The following RIPOR1 variants were observed in gnomAD, a reference collection of about 807,000 sequenced individuals.
RIPOR1 encodes the protein RHO family interacting cell polarization regulator 1, also known as rho family-interacting cell polarization regulator 1.
In RIPOR1, 58 loss-of-function variants were observed where a neutral mutation model predicts 116.5. The observed-to-expected ratio is 0.50, with a 90% confidence interval of 0.40 to 0.62. The LOEUF is 0.62. Ranked by LOEUF, RIPOR1 falls within the 20% of genes least tolerant of loss-of-function variation. The pLI is 0.00. For missense variants in RIPOR1, 1,372 were observed against 1,586.2 expected (o/e 0.86, Z 2.29); for synonymous variants, 605 against 650.0 (o/e 0.93, Z 1.05).
chr16:67,540,818 A>G lies in RIPOR1; in HGVS notation c.801+114A>G. On this transcript the variant is annotated intron_variant, in intron 10 of 21. Transcript: ENST00000042381. This position sits in a 1 kb window ranked among gnomAD's most constrained non-coding sequence, Gnocchi z 4.7. The stretch of plus-strand genomic sequence containing the variant: ...CCCTCATAGCTCCATAGCCCTGTGA[A>G]GATATGATTCCATGACCTTCATGAT... 1 of 1,112,598 alleles carries G rather than the reference A, an allele frequency of 9.0e-7. No homozygotes were observed. The allele number at this position is 1,112,598 out of a possible 1,614,324, so 68.9% of individuals were successfully genotyped here.
chr16:67,535,043 A>G (rs1271635331), intron 1 of RIPOR1, among the ~76,000 whole-genome samples: 2 of 151,820 alleles, frequency 1.3e-5, no homozygotes, highest in Non-Finnish European at 2.9e-5. Flanking sequence ...GGGTTTCACC[A>G]TGTTGGCCAA....
chr16:67,523,634 G>A (rs2050515373), intron 1 of RIPOR1, among the ~76,000 whole-genome samples: 1 of 151,548 alleles, frequency 6.6e-6, no homozygotes, highest in Admixed American at 6.6e-5. Flanking sequence ...TTGGTGAAAG[G>A]GAGGTTTGCA....
rs2050921872 is a variant in RIPOR1 at position 67,539,890 on chromosome 16, T to C, written c.405T>C (p.His135=). ...GCTTCCTGCGACGACTGGAGTTCCATGCCAGCAAGGTACGAGTGCAGCATG... is the reference window on the plus strand; with the variant it reads ...GCTTCCTGCGACGACTGGAGTTCCACGCCAGCAAGGTACGAGTGCAGCATG... The part of the protein sequence containing the change: ...IERFLRRLEF[H]ASKIDELYEA... Residue 135 remains histidine (H), a synonymous_variant, in exon 6 of 22, where the codon CAT becomes CAC. Coordinates refer to ENST00000042381, the MANE Select transcript of RIPOR1 (RefSeq NM_024519.4). 1.2e-6 allele frequency: 2 copies of C among 1,614,054 alleles called. No individual in the cohort carries two copies. Among genetic ancestry groups the C allele is most frequent in the Non-Finnish European group, 1.7e-6 (2 of 1,180,020 alleles).
upstream of RIPOR1, among the ~76,000 whole-genome samples, chr16:67,527,091 T>G (rs1215306490): frequency 6.6e-6 from 1 of 152,060 alleles, no homozygotes; most frequent in Non-Finnish European, 1.5e-5. Flanking sequence ...AGAGAAGAAC[T>G]CAGCCCCTGG....
chr16:67,537,600 A>G lies in RIPOR1; in HGVS notation c.-23-824A>G. ...CACCATGAACACCAAGAAGAGAGGT[A>G]GGACCCAGCTCGGGGCTGCGAAAGC... is the stretch of plus-strand genomic sequence containing the variant. On this transcript the variant is annotated intron_variant, in intron 1 of 21. Transcript: ENST00000042381. The surrounding 1 kb of genome is among the most constrained non-coding windows in gnomAD (Gnocchi z 4.6). 1 of 1,417,012 alleles carries G rather than the reference A, an allele frequency of 7.1e-7. No individual in the cohort carries two copies. Among genetic ancestry groups the G allele is most frequent in the Non-Finnish European group, 9.2e-7 (1 of 1,084,260 alleles). The allele number at this position is 1,417,012 out of a possible 1,614,324, so 87.8% of individuals were successfully genotyped here. A position where few individuals can be genotyped will look rare whatever the true frequency, so the allele number is the denominator to read the frequency against.
chr16:67,539,903 C>T lies in RIPOR1; in HGVS notation c.414+4C>T, dbSNP rs778790010. The T allele has an allele frequency of 8.1e-6, 13 of 1,614,134 alleles. No homozygotes were observed. Among genetic ancestry groups the T allele is most frequent in the Admixed American group, 1.7e-5 (1 of 60,030 alleles). On this transcript the variant is annotated splice_donor_region_variant and intron_variant, in intron 6 of 21. Transcript: ENST00000042381. Reference sequence around the variant, plus strand: ...ACTGGAGTTCCATGCCAGCAAGGTACGAGTGCAGCATGTGTGCAGAGTGGG... The same window carrying T: ...ACTGGAGTTCCATGCCAGCAAGGTATGAGTGCAGCATGTGTGCAGAGTGGG...
rs1385425495 is a variant in RIPOR1 at position 67,531,957 on chromosome 16, T to C, written c.-24+3043T>C. On this transcript the variant is annotated intron_variant, in intron 1 of 21. Coordinates refer to ENST00000042381, the MANE Select transcript of RIPOR1 (RefSeq NM_024519.4). This position sits in a 1 kb window ranked among gnomAD's most constrained non-coding sequence, Gnocchi z 4.2. ...CCCAGGCTGGAGTGTAGTGGTGAGATCTTGGCTCACTGCAAGCTCCACCTC... is the reference window on the plus strand; with the variant it reads ...CCCAGGCTGGAGTGTAGTGGTGAGACCTTGGCTCACTGCAAGCTCCACCTC... Among the ~76,000 whole-genome samples the C allele has an allele frequency of 6.6e-6, 1 of 152,126 alleles. No homozygotes were observed. The highest frequency in any genetic ancestry group is 2.1e-4 in the South Asian group (1 of 4,836).
At chr16:67,534,911 C>T (rs2050756496) in intron 1 of RIPOR1, among the ~76,000 whole-genome samples, 1 of 138,494 alleles carries the variant, frequency 7.2e-6, no homozygotes, top group African/African-American at 2.8e-5. Flanking sequence ...GGCATGATAG[C>T]AGCTCTCTGC....
intron 1 of RIPOR1, among the ~76,000 whole-genome samples, chr16:67,522,950 C>G (rs564724607): frequency 9.3e-4 from 141 of 152,262 alleles, no homozygotes; most frequent in African/African-American, 3.2e-3. Context: ...CCCCTCAGCC[C>G]CACCACTCCA....
rs1462181208 is a variant in RIPOR1, at chr16:67,546,169, AC to A, written c.3502del (p.Leu1168SerfsTer9). ...CCCGAGGGCATTGAGCCCCTGGTGTACCTCTGCCAAACTGACACAGAAGCTG... is the reference window on the plus strand; with the variant it reads ...CCCGAGGGCATTGAGCCCCTGGTGTACTCTGCCAAACTGACACAGAAGCTG... ...KAPEGIEPLV[Y>X]LCQTDTEAVR... On this transcript the variant is annotated frameshift_variant, in exon 21 of 22. Transcript: ENST00000042381. LOFTEE classifies it high-confidence loss of function. The A allele has an allele frequency of 6.2e-7, 1 of 1,613,612 alleles. No homozygotes were observed. The highest frequency in any genetic ancestry group is 8.5e-7 in the Non-Finnish European group (1 of 1,179,956).
At position 67,541,821 on chromosome 16, in the gene RIPOR1, G is replaced by T. The variant is rs1262239742; in HGVS notation, c.1080+39G>T. ...CAGGTCCAGGCCTCACCATCCCCCA[G>T]AGGCTCCCTGGGGGTGGTTCTGAAA... On this transcript the variant is annotated intron_variant, in intron 12 of 21. Transcript: ENST00000042381. This position sits in a 1 kb window ranked among gnomAD's most constrained non-coding sequence, Gnocchi z 4.6. 6.2e-7 allele frequency: 1 copy of T among 1,613,804 alleles called. No individual in the cohort carries two copies. The highest frequency in any genetic ancestry group is 8.5e-7 in the Non-Finnish European group (1 of 1,179,810).
intron 1 of RIPOR1, among the ~76,000 whole-genome samples, chr16:67,522,384 T>C (rs2050502747): frequency 6.6e-6 from 1 of 151,768 alleles, no homozygotes; most frequent in Admixed American, 6.6e-5. Flanking sequence ...GTATTTTTAG[T>C]AGAGACGGGG....
Position 67,543,150 on chromosome 16 carries a change from G to A in RIPOR1, c.2364G>A (p.Arg788=). The A allele has an allele frequency of 1.3e-6, 2 of 1,532,348 alleles. No homozygotes were observed. Among genetic ancestry groups the A allele is most frequent in the Non-Finnish European group, 1.8e-6 (2 of 1,141,232 alleles). The allele number at this position is 1,532,348 out of a possible 1,614,324, so 94.9% of individuals were successfully genotyped here. Reference sequence around the variant, plus strand: ...CGGCAGCCGGAGGGTCTGGGGACAGGAGCCTGGAGGAGGCACTGGGGGCCC... The same window carrying A: ...CGGCAGCCGGAGGGTCTGGGGACAGAAGCCTGGAGGAGGCACTGGGGGCCC... The part of the protein sequence containing the change: ...VPTAAGGSGD[R]SLEEALGALM... The change falls in exon 13 of 22, where the codon AGG becomes AGA. Residue 788 remains arginine, a synonymous_variant. Transcript: ENST00000042381. The surrounding 1 kb of genome is among the most constrained non-coding windows in gnomAD (Gnocchi z 4.7).
At position 67,545,293 on chromosome 16, in the gene RIPOR1, C is replaced by T. The variant is rs372179109; in HGVS notation, c.3032-83C>T. On this transcript the variant is annotated intron_variant, in intron 17 of 21. Coordinates refer to ENST00000042381, the MANE Select transcript of RIPOR1 (RefSeq NM_024519.4). The surrounding 1 kb of genome is among the most constrained non-coding windows in gnomAD (Gnocchi z 4.8). ...GGGGTTTGAACAGGGGGCCCCTGGA[C>T]CTGAGCCTGGGATAGGAGCATCTCT... 80 of 1,555,418 alleles carry T rather than the reference C, an allele frequency of 5.1e-5. No homozygotes were observed. In the African/African-American group the frequency reaches 6.9e-4, roughly 14 times the overall value.
At chr16:67,522,044 T>C (rs903569727) in intron 1 of RIPOR1, among the ~76,000 whole-genome samples, 1 of 150,212 alleles carries the variant, frequency 6.7e-6, no homozygotes, top group African/African-American at 2.5e-5. Context: ...GTTGTTGTTG[T>C]TTGAGACAGA....
chr16:67,538,161 C>G (rs1030343338), intron 1 of RIPOR1: 2 of 379,772 alleles, frequency 5.3e-6, no homozygotes, highest in African/African-American at 4.2e-5. Flanking sequence ...GCGCGACCCC[C>G]CTTCCTGCCC....
rs1456515703 is a variant in RIPOR1 at position 67,540,506 on chromosome 16, G to A, written c.675+5G>A. ...TGTGTAGGCGATCAGTATGAGGTAT[G>A]AGAATGTGCAGGGAAGGGCTGGGTC... On this transcript the variant is annotated splice_donor_5th_base_variant and intron_variant, in intron 9 of 21. Transcript: ENST00000042381. This position sits in a 1 kb window ranked among gnomAD's most constrained non-coding sequence, Gnocchi z 4.7. 14 of 1,614,036 alleles carry A rather than the reference G, an allele frequency of 8.7e-6. No individual in the cohort carries two copies. The highest frequency in any genetic ancestry group is 5.0e-5 in the Admixed American group (3 of 60,006).
Position 67,542,534 on chromosome 16 carries a change from C to T in RIPOR1, c.1748C>T (p.Thr583Ile). 6.2e-7 allele frequency: 1 copy of T among 1,613,958 alleles called. No homozygotes were observed. Among genetic ancestry groups the T allele is most frequent in the Non-Finnish European group, 8.5e-7 (1 of 1,179,966 alleles). ...CACAAGCCCATAATCTCTACCCTTACTACTACAGGCCCTACCCTCAATATC... is the reference window on the plus strand; with the variant it reads ...CACAAGCCCATAATCTCTACCCTTATTACTACAGGCCCTACCCTCAATATC... ...STHKPIISTL[T>I]TTGPTLNIIG... is the part of the protein sequence containing the mutation. Residue 583 changes from threonine (T) to isoleucine (I), a missense_variant, in exon 13 of 22, where the codon ACT (threonine) becomes ATT (isoleucine). Transcript: ENST00000042381. The surrounding 1 kb of genome is among the most constrained non-coding windows in gnomAD (Gnocchi z 4.6).
chr16:67,537,173 A>C lies in RIPOR1; in HGVS notation c.-23-1251A>C, dbSNP rs2050815402. Among the ~76,000 whole-genome samples the C allele has an allele frequency of 6.6e-6, 1 of 152,134 alleles. No individual in the cohort carries two copies. Among genetic ancestry groups the C allele is most frequent in the Non-Finnish European group, 1.5e-5 (1 of 68,012 alleles). On this transcript the variant is annotated intron_variant, in intron 1 of 21. Coordinates refer to ENST00000042381, the MANE Select transcript of RIPOR1 (RefSeq NM_024519.4). This position sits in a 1 kb window ranked among gnomAD's most constrained non-coding sequence, Gnocchi z 4.6. ...CGTGATCCGCCCGCCTCGGCCTCCC[A>C]AAGTGCTGAGATTACAGGCGTGAGC...
Sources: gnomAD v4.1 joint callset for allele counts (sites outside exome capture counted in the v4.1 genomes callset) on GRCh38, gnomAD v4.1.1 for gene constraint, Gnocchi (gnomAD v3.1) non-coding constraint, MANE v1.5 for transcripts, NCBI Gene and HGNC (gene_info 2026-07-23, HGNC 2026-07-21) for gene names.